Variants in KDM6B observed in about 807,000 individuals in gnomAD.
The protein encoded by KDM6B is lysine demethylase 6B.
Under a neutral mutation model 150.4 loss-of-function variants are expected in KDM6B, and 22 were observed. That is an observed-to-expected ratio of 0.15 (90% CI 0.10 to 0.21). KDM6B has a LOEUF of 0.21. Ranked by LOEUF, KDM6B falls within the 10% of genes least tolerant of loss-of-function variation. The pLI, the probability that KDM6B is intolerant of heterozygous loss-of-function variation, is 1.00. For synonymous variants in KDM6B, 1,148 were observed against 921.1 expected, an observed-to-expected ratio of 1.25 and a Z score of -4.46; for missense variants, 1,984 against 2,234.3, an observed-to-expected ratio of 0.89 and a Z score of 2.26.
chr17:7,846,440 G>C lies in KDM6B; in HGVS notation c.497G>C (p.Arg166Pro), dbSNP rs538660455. ...TTTCATACTGGCTCCTGCCAGCACC[G>C]AGCCAAGGTCCTGCCCCCACTGGAG... is the stretch of plus-strand genomic sequence containing the variant. ...WNFHTGSCQHRAKVLPPLEQV... is the reference protein window; with the variant it reads ...WNFHTGSCQHPAKVLPPLEQV... Residue 166 changes from arginine (R) to proline (P), a missense_variant, in exon 8 of 24, where the codon CGA becomes CCA. This residue lies in a region of KDM6B where 337 missense variants were observed against 323.9 expected (regional missense o/e 1.04). Coordinates refer to ENST00000448097, the MANE Select transcript of KDM6B (RefSeq NM_001348716.2). 1.5e-6 allele frequency: 2 copies of C among 1,365,612 alleles called. No homozygotes were observed. The highest frequency in any genetic ancestry group is 9.7e-7 in the Non-Finnish European group (1 of 1,031,784). The allele number at this position is 1,365,612 out of a possible 1,614,324, so 84.6% of individuals were successfully genotyped here. A position where few individuals can be genotyped will look rare whatever the true frequency, so the allele number is the denominator to read the frequency against.
intron 1 of KDM6B, among the ~76,000 whole-genome samples, chr17:7,837,204 G>T (rs2078345808): frequency 6.6e-6 from 1 of 152,168 alleles, no homozygotes; most frequent in African/African-American, 2.4e-5. Context: ...CCCACCTGCT[G>T]CATGGCCAAG....
At chr17:7,851,922 G>C in intron 18 of KDM6B, 29 bp from the exon 19 acceptor site, 1 of 1,610,776 alleles carries the variant, frequency 6.2e-7, no homozygotes, top group African/African-American at 1.3e-5. Context: ...GACCTGGCCA[G>C]CCATGCCGTT....
In KDM6B at chr17:7,852,781, G is replaced by T. The variant is rs144116549; in HGVS notation, c.4610+145G>T. On this transcript the variant is annotated intron_variant, in intron 21 of 23. Transcript: ENST00000448097. ...TTACTGTGTTGGGGAGGCTAACTAG[G>T]TCCTTGCTGTCATGACCTTTTCTAG... 3.4e-4 allele frequency: 445 copies of T among 1,317,006 alleles called. 1 individual carries two copies. The African/African-American group carries it at 5.2e-3, about 15-fold the overall frequency. 81.6% of individuals were successfully genotyped at this position (1,317,006 alleles called of 1,614,324 possible).
intron 1 of KDM6B, among the ~76,000 whole-genome samples, chr17:7,839,076 C>G (rs1237074616): frequency 1.3e-5 from 2 of 152,086 alleles, no homozygotes; most frequent in Non-Finnish European, 2.9e-5. Context: ...GGGCAGAGAA[C>G]TATGATTAAG....
In KDM6B at chr17:7,847,350, C is replaced by T. The variant is rs1176550413; in HGVS notation, c.1155C>T (p.Tyr385=). The change falls in exon 11 of 24, where the codon TAC becomes TAT. Residue 385 remains tyrosine, a synonymous_variant. Coordinates refer to ENST00000448097, the MANE Select transcript of KDM6B (RefSeq NM_001348716.2). ...CAGCAACCACCGCCTGCGTGCCTTA[C>T]GCCCCTTCCCGGCCCCCTGGCCTCC... ...SPAATTACVP[Y]APSRPPGLPG... is the part of the protein sequence containing the mutation. The T allele has an allele frequency of 1.2e-5, 19 of 1,611,814 alleles. No individual in the cohort carries two copies. The highest frequency in any genetic ancestry group is 1.7e-5 in the Admixed American group (1 of 60,008).
chr17:7,846,393 C>G lies in KDM6B; in HGVS notation c.457-7C>G, dbSNP rs1567789670. ...TCTGCCCCTGCCCCGTGTCCCCCCA[C>G]CCCCAGGCCCAGCTCTGGAACTTTC... On this transcript the variant is annotated splice_region_variant and splice_polypyrimidine_tract_variant and intron_variant, in intron 7 of 23. Coordinates refer to ENST00000448097, the MANE Select transcript of KDM6B (RefSeq NM_001348716.2). 2 of 1,582,252 alleles carry G rather than the reference C, an allele frequency of 1.3e-6. No individual in the cohort carries two copies. The highest frequency in any genetic ancestry group is 2.7e-5 in the African/African-American group (2 of 73,650).
At chr17:7,847,524 C>A in intron 11 of KDM6B, 22 bp from the exon 12 acceptor site, 2 of 1,613,176 alleles carry the variant, frequency 1.2e-6, no homozygotes, top group Non-Finnish European at 1.7e-6. Flanking sequence ...AATGCTCCTA[C>A]CACCTGCTTC....
At chr17:7,838,653 A>G (rs991532938) in intron 1 of KDM6B, among the ~76,000 whole-genome samples, 7 of 124,008 alleles carry the variant, frequency 5.6e-5, no homozygotes, top group Non-Finnish European at 8.3e-5. Context: ...GGTCTGTCCT[A>G]AAGTCTGCCC....
chr17:7,849,237 TCGG>T lies in KDM6B; in HGVS notation c.2954_2956del (p.Arg985del). On this transcript the variant is annotated inframe_deletion, in exon 12 of 24. Coordinates refer to ENST00000448097, the MANE Select transcript of KDM6B (RefSeq NM_001348716.2). Reference sequence around the variant, plus strand: ...GACAGAAGGAGCATCAGAAGGAGCATCGGCGGCACAGGCGGGCCTGTAAGGACA... The same window carrying T: ...GACAGAAGGAGCATCAGAAGGAGCATCGGCACAGGCGGGCCTGTAAGGACA... 1 of 1,576,584 alleles carries T rather than the reference TCGG, an allele frequency of 6.3e-7. No homozygotes were observed. The highest frequency in any genetic ancestry group is 8.6e-7 in the Non-Finnish European group (1 of 1,160,456).
In KDM6B at chr17:7,839,568, G is replaced by A. The variant is rs187978698; in HGVS notation, c.-387-338G>A. The stretch of plus-strand genomic sequence containing the variant: ...TGCATGCCCTGGTGCTAGGACTCAG[G>A]CTGGCTTGTGTACAGATGTCAGGGC... On this transcript the variant is annotated intron_variant, in intron 1 of 23. Transcript: ENST00000448097. 2.0e-5 allele frequency among the ~76,000 whole-genome samples: 3 copies of A among 152,260 alleles called. 1 individual carries two copies. The East Asian group carries it at 5.8e-4, about 29-fold the overall frequency.
rs770399853 is a variant in KDM6B at position 7,846,950 on chromosome 17, G to A, written c.843G>A (p.Leu281=). ...SPPFQLTKPG[L]WSTLHGDAWG... ...CATTTCAGCTAACCAAGCCAGGGCT[G>A]TGGAGTACCCTGCATGGAGATGCCT... The change falls in exon 10 of 24, where the codon CTG becomes CTA. Residue 281 remains leucine, a synonymous_variant. Coordinates refer to ENST00000448097, the MANE Select transcript of KDM6B (RefSeq NM_001348716.2). 1.4e-6 allele frequency: 2 copies of A among 1,479,712 alleles called. No homozygotes were observed. Among genetic ancestry groups the A allele is most frequent in the East Asian group, 2.7e-5 (1 of 36,520 alleles). The allele number at this position is 1,479,712 out of a possible 1,614,324, so 91.7% of individuals were successfully genotyped here.
Position 7,849,238 on chromosome 17 carries a change from C to T in KDM6B, c.2950C>T (p.Arg984Trp), listed in dbSNP as rs1426663523. 9 of 1,575,416 alleles carry T rather than the reference C, an allele frequency of 5.7e-6. No homozygotes were observed. Among genetic ancestry groups the T allele is most frequent in the South Asian group, 1.1e-5 (1 of 87,792 alleles). ...ACAGAAGGAGCATCAGAAGGAGCAT[C>T]GGCGGCACAGGCGGGCCTGTAAGGA... ...RRQKEHQKEH[R>W]RHRRACKDSV... The change falls in exon 12 of 24, where the codon CGG (arginine) becomes TGG (tryptophan). Residue 984 changes from arginine to tryptophan, a missense_variant. Around this residue, in one of 13 missense-constraint regions of KDM6B, gnomAD observed 1,379 missense variants for 1,275.6 expected, o/e 1.08. Coordinates refer to ENST00000448097, the MANE Select transcript of KDM6B (RefSeq NM_001348716.2).
At chr17:7,835,509 C>T (rs1203202118) in intron 1 of KDM6B, among the ~76,000 whole-genome samples, 1 of 151,944 alleles carries the variant, frequency 6.6e-6, no homozygotes, top group Non-Finnish European at 1.5e-5. Context: ...CCCCTTCCCT[C>T]CCCTGGGTTG....
intron 1 of KDM6B, among the ~76,000 whole-genome samples, chr17:7,835,964 C>T (rs1455057157): frequency 6.6e-6 from 1 of 152,254 alleles, no homozygotes; most frequent in Non-Finnish European, 1.5e-5. Flanking sequence ...TCCCCACCTC[C>T]CCCCAGCTGG....
At chr17:7,835,067 T>C (rs1489849635) in intron 1 of KDM6B, among the ~76,000 whole-genome samples, 1 of 151,720 alleles carries the variant, frequency 6.6e-6, no homozygotes, top group Non-Finnish European at 1.5e-5. Context: ...ACCGTGAAAG[T>C]AGCTGAAGCC....
chr17:7,846,371 G>GGGGGGGGGGCCGGGGGGCCCCC, intron 7 of KDM6B, 29 bp from the exon 8 acceptor site: 1 of 1,488,926 alleles, frequency 6.7e-7, no homozygotes, highest in Non-Finnish European at 9.2e-7. Context: ...CCTGACATCT[G>GGGGGGGGGGCCGGGGGGCCCCC]CCCCTGCCCC....
chr17:7,836,349 C>T (rs754361285), intron 1 of KDM6B, among the ~76,000 whole-genome samples: 1 of 152,244 alleles, frequency 6.6e-6, no homozygotes, highest in Non-Finnish European at 1.5e-5. Context: ...TCCTTCTTCG[C>T]TTCTCCCGGT....
In KDM6B at chr17:7,847,128, C is replaced by G; in HGVS notation, c.933C>G (p.His311Gln). The G allele has an allele frequency of 6.2e-7, 1 of 1,611,156 alleles. No homozygotes were observed. Among genetic ancestry groups the G allele is most frequent in the Non-Finnish European group, 8.5e-7 (1 of 1,179,818 alleles). ...AGGAGCAGCGGCACTCGCTGCCTCACCCATATCCATACCCAGCTCCAGCGT... is the reference window on the plus strand; with the variant it reads ...AGGAGCAGCGGCACTCGCTGCCTCAGCCATATCCATACCCAGCTCCAGCGT... ...ERQEQRHSLP[H>Q]PYPYPAPAYT... The change falls in exon 11 of 24, where the codon CAC (histidine) becomes CAG (glutamine). Residue 311 changes from histidine to glutamine, a missense_variant. By Grantham distance (24) the His-to-Gln change is conservative. Transcript: ENST00000448097.
rs1308649489 is a variant in KDM6B at position 7,843,165 on chromosome 17, CGGCGCTCTCG to C, written c.-268-1733_-268-1724del. 3.3e-5 allele frequency among the ~76,000 whole-genome samples: 5 copies of C among 152,204 alleles called. No homozygotes were observed. The highest frequency in any genetic ancestry group is 1.2e-4 in the African/African-American group (5 of 41,524). The stretch of plus-strand genomic sequence containing the variant: ...GGAAGCTGCCTTTCCTGGTAACTGG[CGGCGCTCTCG>C]GGACCACTTCCCAAGCAGGCATCTG... On this transcript the variant is annotated intron_variant, in intron 2 of 23. Coordinates refer to ENST00000448097, the MANE Select transcript of KDM6B (RefSeq NM_001348716.2). The surrounding 1 kb of genome is among the most constrained non-coding windows in gnomAD (Gnocchi z 4.5).
Sources: gnomAD v4.1 joint callset for allele counts (sites outside exome capture counted in the v4.1 genomes callset) on GRCh38, gnomAD v4.1.1 for gene constraint, gnomAD v4.1.1 regional missense constraint, Gnocchi (gnomAD v3.1) non-coding constraint, MANE v1.5 for transcripts, NCBI Gene and HGNC (gene_info 2026-07-23, HGNC 2026-07-21) for gene names.